Variants in PUDP observed in about 807,000 individuals in gnomAD.
The protein encoded by PUDP is pseudouridine-5'-phosphatase.
PUDP carries 8 observed loss-of-function variants against 9.4 expected under a neutral mutation model. The observed-to-expected ratio is 0.85, with a 90% confidence interval of 0.50 to 1.53. The LOEUF is 1.53. PUDP is among the 40% of genes most tolerant of loss of function. The pLI is 0.00. For missense variants in PUDP, 188 were observed against 189.7 expected, an observed-to-expected ratio of 0.99 and a Z score of 0.05; for synonymous variants, 99 against 80.7, an observed-to-expected ratio of 1.23 and a Z score of -1.22.
chrX:6,728,370 G>GCA (rs760397261), intron 3 of PUDP, among the ~76,000 whole-genome samples: 21 of 109,365 alleles, frequency 1.9e-4, no homozygotes, highest in South Asian at 1.2e-3. Context: ...ACACATACAT[G>GCA]CACACACACA....
At chrX:7,010,925 G>C (rs1216446637) in intron 1 of PUDP, among the ~76,000 whole-genome samples, 1 of 112,134 alleles carries the variant, frequency 8.9e-6, no homozygotes, top group Non-Finnish European at 1.9e-5. Context: ...TTATGACAGA[G>C]AACCTGGAGT....
At chrX:6,910,711 G>A (rs1274693549) in intron 3 of PUDP, among the ~76,000 whole-genome samples, 1 of 112,560 alleles carries the variant, frequency 8.9e-6, no homozygotes, top group Non-Finnish European at 1.9e-5. Context: ...AAAAGGCACA[G>A]TGGTTTAACC....
intron 3 of PUDP, among the ~76,000 whole-genome samples, chrX:6,872,098 T>C (rs1927183104): frequency 9.0e-6 from 1 of 110,828 alleles, no homozygotes; most frequent in African/African-American, 3.3e-5. Flanking sequence ...TCCATCTTTA[T>C]GACCTCATCA....
At chrX:7,062,487 G>A (rs1481691327) in intron 3 of PUDP, among the ~76,000 whole-genome samples, 1 of 111,813 alleles carries the variant, frequency 8.9e-6, no homozygotes, top group African/African-American at 3.3e-5. Context: ...TGTGTGGGGT[G>A]AGAAATGCAG....
chrX:6,940,930 C>A (rs1928389239), intron 3 of PUDP, among the ~76,000 whole-genome samples: 1 of 111,700 alleles, frequency 9.0e-6, no homozygotes, highest in Non-Finnish European at 1.9e-5. Flanking sequence ...TCAGAGTTGG[C>A]AAAAACTGAC....
At chrX:7,144,099 A>G (rs1353773389) in intron 1 of PUDP, among the ~76,000 whole-genome samples, 1 of 112,005 alleles carries the variant, frequency 8.9e-6, no homozygotes, top group African/African-American at 3.2e-5. Flanking sequence ...TTCTGGGGTT[A>G]AACAATAACC....
chrX:6,952,881 G>A (rs747770712), intron 3 of PUDP, among the ~76,000 whole-genome samples: 14 of 111,609 alleles, frequency 1.3e-4, no homozygotes, highest in Middle Eastern at 9.3e-3. Flanking sequence ...AACAAATGTC[G>A]GTTGTTTATA....
intron 1 of PUDP, among the ~76,000 whole-genome samples, chrX:7,133,281 G>A (rs1187625468): frequency 3.6e-5 from 4 of 111,682 alleles, no homozygotes; most frequent in Non-Finnish European, 7.5e-5. Flanking sequence ...CCCAGCCAGG[G>A]AGGTCAAGGG....
intron 3 of PUDP, among the ~76,000 whole-genome samples, chrX:6,776,383 T>A (rs1270782185): frequency 9.1e-4 from 100 of 109,866 alleles, no homozygotes; most frequent in African/African-American, 3.2e-3. Context: ...AATACAAAAA[T>A]TAGCCAGGCA....
In PUDP at chrX:7,057,722, G is replaced by A. The variant is rs374098526; in HGVS notation, c.511-7250C>T. The A allele has an allele frequency of 9.6e-6, 11 of 1,150,229 alleles. No individual in the cohort carries two copies. The East Asian group carries it at 9.8e-5, about 10-fold the overall frequency. 94.8% of individuals were successfully genotyped at this position (1,150,229 alleles called of 1,213,427 possible). On this transcript the variant is annotated intron_variant, in intron 3 of 3. Transcript: ENST00000381077. ...GGAGGTGCGGTCAGGTGTCATCAGAGCAGAGAAGCAGTTGATTACACAGAA... is the reference window on the plus strand; with the variant it reads ...GGAGGTGCGGTCAGGTGTCATCAGAACAGAGAAGCAGTTGATTACACAGAA...
intron 1 of PUDP, among the ~76,000 whole-genome samples, chrX:7,000,125 AAG>A (rs1481941997): frequency 2.6e-4 from 20 of 77,050 alleles, no homozygotes; most frequent in African/African-American, 8.4e-4. Context: ...GAGCGAGAGC[AAG>A]AGAGAGAGGA....
intron 3 of PUDP, among the ~76,000 whole-genome samples, chrX:6,822,636 A>T (rs1276347581): frequency 9.2e-6 from 1 of 109,263 alleles, no homozygotes; most frequent in Admixed American, 9.7e-5. Flanking sequence ...CATATTGGCT[A>T]GGATGGTCTC....
chrX:6,839,681 A>G (rs1926636693), intron 3 of PUDP, among the ~76,000 whole-genome samples: 1 of 111,716 alleles, frequency 9.0e-6, no homozygotes, highest in Non-Finnish European at 1.9e-5. Context: ...CCACACACCT[A>G]TTAGAATGGC....
chrX:7,000,881 G>T (rs1029401702), intron 1 of PUDP, among the ~76,000 whole-genome samples: 14 of 107,538 alleles, frequency 1.3e-4, no homozygotes, highest in African/African-American at 4.6e-4. Context: ...AACATTGTTA[G>T]TGAGATTATA....
At chrX:6,706,414 G>A (rs1924469783) in exon 2 of PUDP, 1 of 112,047 alleles carries the variant, frequency 8.9e-6, no homozygotes, top group Admixed American at 9.5e-5. Context: ...ACTGCAGTGA[G>A]CCACGATTGT....
At chrX:7,058,607 T>TG (rs1386818488) in intron 3 of PUDP, among the ~76,000 whole-genome samples, 1 of 112,540 alleles carries the variant, frequency 8.9e-6, no homozygotes, top group Non-Finnish European at 1.9e-5. Flanking sequence ...AAGTTCTGTT[T>TG]GACTTCATGT....
At chrX:6,739,085 T>A (rs1924906714) in intron 3 of PUDP, among the ~76,000 whole-genome samples, 1 of 111,710 alleles carries the variant, frequency 9.0e-6, no homozygotes, top group South Asian at 3.8e-4. Flanking sequence ...AACAACTATT[T>A]GCATGTTCTT....
At chrX:6,823,052 A>C (rs2146708789) in intron 3 of PUDP, among the ~76,000 whole-genome samples, 1 of 111,771 alleles carries the variant, frequency 8.9e-6, no homozygotes, top group Non-Finnish European at 1.9e-5. Flanking sequence ...CTACATGTGC[A>C]ATTACTTTTA....
At chrX:6,708,340 G>A (rs142026338) in intron 1 of PUDP, among the ~76,000 whole-genome samples, 15 of 111,628 alleles carry the variant, frequency 1.3e-4, no homozygotes, top group African/African-American at 4.2e-4. Flanking sequence ...CTCTGCCAGG[G>A]TAGAAAAAGC....
Sources: gnomAD v4.1 joint callset for allele counts (sites outside exome capture counted in the v4.1 genomes callset) on GRCh38, gnomAD v4.1.1 for gene constraint, MANE v1.5 for transcripts, NCBI Gene and HGNC (gene_info 2026-07-23, HGNC 2026-07-21) for gene names.